Variants in RIMS1 observed in about 807,000 individuals in gnomAD.
The protein encoded by RIMS1 is regulating synaptic membrane exocytosis 1, also known as regulating synaptic membrane exocytosis protein 1.
Under a neutral mutation model 214.1 loss-of-function variants are expected in RIMS1, and 83 were observed. The ratio of observed to expected loss-of-function variants is 0.39; its 90% CI spans 0.32 to 0.47. RIMS1 has a LOEUF of 0.47. Ranked by LOEUF, RIMS1 falls within the 20% of genes least tolerant of loss-of-function variation. The probability of loss-of-function intolerance (pLI) is 0.99; values close to 1 mark genes in which losing one functional copy is unlikely to be tolerated. For synonymous variants in RIMS1, 793 were observed against 786.8 expected (o/e 1.01, Z -0.13); for missense variants, 2,050 against 2,161.8 (o/e 0.95, Z 1.03).
intron 26 of RIMS1, among the ~76,000 whole-genome samples, chr6:72,299,642 T>C (rs1014819143): frequency 2.0e-5 from 3 of 151,860 alleles, no homozygotes; most frequent in African/African-American, 7.2e-5. Context: ...ATATTTTCCA[T>C]GAAACTTATG....
At chr6:72,255,818 A>C (rs2075573273) in intron 16 of RIMS1, among the ~76,000 whole-genome samples, 1 of 152,124 alleles carries the variant, frequency 6.6e-6, no homozygotes, top group Non-Finnish European at 1.5e-5. Context: ...TGGGCAGATC[A>C]CAAAGTCAGG....
chr6:71,901,300 G>C (rs756315087), intron 1 of RIMS1, among the ~76,000 whole-genome samples: 1 of 152,012 alleles, frequency 6.6e-6, no homozygotes, highest in Non-Finnish European at 1.5e-5. Context: ...CTGACAAAAA[G>C]ACTTATTTAA....
At chr6:72,041,984 C>G (rs1045006702) in intron 2 of RIMS1, among the ~76,000 whole-genome samples, 1 of 151,860 alleles carries the variant, frequency 6.6e-6, no homozygotes, top group Non-Finnish European at 1.5e-5. Context: ...TTATGTTAGC[C>G]TACTTCTCCC....
At chr6:72,166,081 T>G (rs2046216873) in intron 4 of RIMS1, among the ~76,000 whole-genome samples, 1 of 152,194 alleles carries the variant, frequency 6.6e-6, no homozygotes, top group Non-Finnish European at 1.5e-5. Context: ...AATAACAAGG[T>G]GCCAACAGGG....
chr6:71,887,252 C>A, intron 1 of RIMS1, 65 bp downstream of exon 1: 1 of 1,544,458 alleles, frequency 6.5e-7, no homozygotes, highest in African/African-American at 1.4e-5. Context: ...ACCACTCACT[C>A]CCCTAGTCCT....
At chr6:72,130,412 C>T (rs1587743908) in intron 4 of RIMS1, among the ~76,000 whole-genome samples, 1 of 152,112 alleles carries the variant, frequency 6.6e-6, no homozygotes, top group African/African-American at 2.4e-5. Flanking sequence ...TTTAACAGTG[C>T]TACTGCTGTG....
At chr6:72,141,622 A>T (rs2042090115) in intron 4 of RIMS1, among the ~76,000 whole-genome samples, 1 of 152,042 alleles carries the variant, frequency 6.6e-6, no homozygotes. Context: ...AATTTTCCTT[A>T]CATTTTGACA....
intron 4 of RIMS1, among the ~76,000 whole-genome samples, chr6:72,131,404 G>C (rs1281585750): frequency 1.3e-5 from 2 of 152,150 alleles, no homozygotes; most frequent in African/African-American, 4.8e-5. Context: ...GAGAAATAAA[G>C]GGACAGAGTA....
At chr6:71,952,248 A>G (rs1414604473) in intron 1 of RIMS1, among the ~76,000 whole-genome samples, 1 of 151,894 alleles carries the variant, frequency 6.6e-6, no homozygotes, top group Non-Finnish European at 1.5e-5. Flanking sequence ...TTCTCTAGTA[A>G]CTCTGTCATT....
At chr6:72,124,372 G>A (rs2039074319) in intron 4 of RIMS1, among the ~76,000 whole-genome samples, 1 of 151,864 alleles carries the variant, frequency 6.6e-6, no homozygotes, top group Non-Finnish European at 1.5e-5. Flanking sequence ...CCCTTTGTGG[G>A]TAACCCGACC....
chr6:72,185,239 G>A (rs1363877299), intron 6 of RIMS1, among the ~76,000 whole-genome samples: 5 of 152,010 alleles, frequency 3.3e-5, no homozygotes, highest in African/African-American at 9.7e-5. Flanking sequence ...AGAGAACCCC[G>A]ATAAATAGAA....
At chr6:72,292,534 G>T (rs2093553508) in intron 26 of RIMS1, among the ~76,000 whole-genome samples, 1 of 152,018 alleles carries the variant, frequency 6.6e-6, no homozygotes, top group Non-Finnish European at 1.5e-5. Flanking sequence ...GTCTTCAGCA[G>T]TTCATATTGC....
At position 71,886,943 on chromosome 6, in the gene RIMS1, G is replaced by C; in HGVS notation, c.-81G>C. The C allele has an allele frequency of 6.6e-7, 1 of 1,508,704 alleles. No individual in the cohort carries two copies. Among genetic ancestry groups the C allele is most frequent in the Non-Finnish European group, 9.0e-7 (1 of 1,111,348 alleles). 93.5% of individuals were successfully genotyped at this position (1,508,704 alleles called of 1,614,324 possible). A position where few individuals can be genotyped will look rare whatever the true frequency, so the allele number is the denominator to read the frequency against. On this transcript the variant is annotated 5_prime_UTR_variant, in exon 1 of 34. Transcript: ENST00000521978. ...GCCGCTAGGGCTCCGCTGTGAGGGG[G>C]AAGCAGGGGCGCAGCTGCTGGGCGT... is the stretch of plus-strand genomic sequence containing the variant.
At chr6:72,110,651 G>A (rs1312295220) in intron 4 of RIMS1, among the ~76,000 whole-genome samples, 70 of 148,312 alleles carry the variant, frequency 4.7e-4, no homozygotes, top group South Asian at 2.2e-3. Flanking sequence ...TCTGCAAACA[G>A]GGACAATTTG....
chr6:72,165,801 C>T (rs2046172280), intron 4 of RIMS1, among the ~76,000 whole-genome samples: 1 of 151,984 alleles, frequency 6.6e-6, no homozygotes, highest in African/African-American at 2.4e-5. Context: ...GAGGAGGCCA[C>T]CCAAAAGGAA....
Position 72,261,474 on chromosome 6 carries a change from C to A in RIMS1, c.3116+707C>A, listed in dbSNP as rs576572383. 2.7e-4 allele frequency: 266 copies of A among 968,768 alleles called. 5 individuals carry two copies. In the South Asian group the frequency reaches 0.011, roughly 41 times the overall value. 60.0% of individuals were successfully genotyped at this position (968,768 alleles called of 1,614,324 possible). On this transcript the variant is annotated intron_variant, in intron 19 of 33. Transcript: ENST00000521978. ...ATGCTTTATGTTAATCTCATTACAT[C>A]TTTAATTTCATATCCAAGTAAAACT...
intron 1 of RIMS1, among the ~76,000 whole-genome samples, chr6:71,894,199 C>G (rs1159237797): frequency 2.0e-5 from 3 of 152,236 alleles, no homozygotes; most frequent in Non-Finnish European, 4.4e-5. Context: ...AATCCCAACA[C>G]TTTGGGAGGC....
rs757774551 is a variant in RIMS1 at position 72,333,758 on chromosome 6, G to A, written c.4289G>A (p.Arg1430Gln). 3 of 1,599,486 alleles carry A rather than the reference G, an allele frequency of 1.9e-6. No homozygotes were observed. The highest frequency in any genetic ancestry group is 1.1e-5 in the South Asian group (1 of 88,288). Residue 1430 changes from arginine to glutamine, a missense_variant, in exon 29 of 34, where the codon CGG (arginine) becomes CAG (glutamine). Arg to Gln is a conservative substitution (Grantham distance 43). This residue lies in a region of RIMS1 where 889 missense variants were observed against 885.5 expected (regional missense o/e 1.00). Transcript: ENST00000521978. ...VGTVGAGGKK[R>Q]RSSLSAKVVA... ...ACAGTTGGAGCAGGTGGAAAGAAACGGAGATCCAGCCTTAGTGCCAAAGTG... is the reference window on the plus strand; with the variant it reads ...ACAGTTGGAGCAGGTGGAAAGAAACAGAGATCCAGCCTTAGTGCCAAAGTG...
intron 2 of RIMS1, among the ~76,000 whole-genome samples, chr6:72,049,743 G>T (rs1323919861): frequency 2.0e-4 from 31 of 152,144 alleles, no homozygotes; most frequent in Admixed American, 2.0e-3. Context: ...AATATTAAAG[G>T]ATAATTAAGG....
Sources: gnomAD v4.1 joint callset for allele counts (sites outside exome capture counted in the v4.1 genomes callset) on GRCh38, gnomAD v4.1.1 for gene constraint, gnomAD v4.1.1 regional missense constraint, MANE v1.5 for transcripts, NCBI Gene and HGNC (gene_info 2026-07-23, HGNC 2026-07-21) for gene names.